LDAH: variants seen among roughly 807,000 people sequenced by gnomAD.
The protein encoded by LDAH is lipid droplet associated hydrolase.
In LDAH, 26 loss-of-function variants were observed where a neutral mutation model predicts 29.6. The observed-to-expected ratio is 0.88, with a 90% CI of 0.64 to 1.22. The LOEUF (loss-of-function observed/expected upper bound fraction) is 1.22, where lower values mean the gene tolerates loss of function less well. LDAH is among the 50% of genes most tolerant of loss of function. LDAH has a pLI of 0.00. For missense variants in LDAH, 344 were observed against 387.3 expected, an observed-to-expected ratio of 0.89 and a Z score of 0.94; for synonymous variants, 117 against 133.0, an observed-to-expected ratio of 0.88 and a Z score of 0.83.
intron 6 of LDAH, among the ~76,000 whole-genome samples, chr2:20,695,348 G>A (rs1288937407): frequency 7.2e-5 from 11 of 152,142 alleles, no homozygotes; most frequent in African/African-American, 1.4e-4. Flanking sequence ...GAACAGTTAG[G>A]CAAATAGTCT....
At chr2:20,801,905 T>A (rs900549081) in intron 1 of LDAH, among the ~76,000 whole-genome samples, 1 of 151,826 alleles carries the variant, frequency 6.6e-6, no homozygotes, top group Non-Finnish European at 1.5e-5. Flanking sequence ...TTTCCTCATA[T>A]TACTCTTCTC....
At chr2:20,740,237 T>C in intron 4 of LDAH, 32 bp from the exon 5 acceptor site, 1 of 1,465,482 alleles carries the variant, frequency 6.8e-7, no homozygotes, top group Non-Finnish European at 9.6e-7. Context: ...TGATGAGAGG[T>C]TTTCTTAAAG....
Position 20,685,781 on chromosome 2 carries a change from G to C in LDAH, c.*1122C>G, listed in dbSNP as rs1225909278. The stretch of plus-strand genomic sequence containing the variant: ...GCCCACTCTAGGCCAGGGAATATGT[G>C]TCTTCTCTGCCATACCTCAATGTGT... On this transcript the variant is annotated 3_prime_UTR_variant, in exon 7 of 7. Transcript: ENST00000237822. 6 of 1,187,786 alleles carry C rather than the reference G, an allele frequency of 5.1e-6. No homozygotes were observed. Among genetic ancestry groups the C allele is most frequent in the Non-Finnish European group, 5.7e-6 (5 of 870,060 alleles). The allele number at this position is 1,187,786 out of a possible 1,614,324, so 73.6% of individuals were successfully genotyped here.
At chr2:20,726,361 G>C (rs1412213555) in intron 5 of LDAH, among the ~76,000 whole-genome samples, 2 of 151,996 alleles carry the variant, frequency 1.3e-5, no homozygotes, top group African/African-American at 2.4e-5. Flanking sequence ...AAGTCAAGCA[G>C]GGCTGTGTGG....
At chr2:20,721,941 T>C (rs1215886196) in intron 5 of LDAH, among the ~76,000 whole-genome samples, 1 of 152,208 alleles carries the variant, frequency 6.6e-6, no homozygotes, top group South Asian at 2.1e-4. Context: ...ATACACATAA[T>C]GGAATATTAT....
chr2:20,764,594 T>C (rs568804971), intron 4 of LDAH, among the ~76,000 whole-genome samples: 7 of 152,244 alleles, frequency 4.6e-5, no homozygotes, highest in African/African-American at 1.7e-4. Flanking sequence ...CAGTTCTCTC[T>C]GAACTCCTCC....
Position 20,698,260 on chromosome 2 carries a change from G to A in LDAH, c.786+3310C>T, listed in dbSNP as rs1249029416. Among the ~76,000 whole-genome samples, 10 of 152,216 alleles carry A rather than the reference G, an allele frequency of 6.6e-5. No homozygotes were observed. ...AGCTCCTTACCTCAACGTGGGGAAA[G>A]GTGAAGGTTGATTGTTTAAATACTG... On this transcript the variant is annotated intron_variant, in intron 6 of 6. Coordinates refer to ENST00000237822, the MANE Select transcript of LDAH (RefSeq NM_021925.4). This position sits in a 1 kb window ranked among gnomAD's most constrained non-coding sequence, Gnocchi z 4.4.
At chr2:20,722,958 A>G (rs1665764503) in intron 5 of LDAH, among the ~76,000 whole-genome samples, 1 of 152,212 alleles carries the variant, frequency 6.6e-6, no homozygotes. Flanking sequence ...CTGAAGCTAA[A>G]CATATGCATA....
At chr2:20,809,837 C>T (rs1465318008) in intron 1 of LDAH, among the ~76,000 whole-genome samples, 4 of 152,048 alleles carry the variant, frequency 2.6e-5, no homozygotes, top group East Asian at 3.9e-4. Flanking sequence ...AGGCCAATAC[C>T]GAAGCTGTCC....
At chr2:20,729,344 T>C (rs1325805300) in intron 5 of LDAH, among the ~76,000 whole-genome samples, 1 of 152,244 alleles carries the variant, frequency 6.6e-6, no homozygotes, top group Non-Finnish European at 1.5e-5. Context: ...TTATATGTTA[T>C]ATGTGACATA....
At chr2:20,728,952 T>C (rs1415585214) in intron 5 of LDAH, among the ~76,000 whole-genome samples, 3 of 152,218 alleles carry the variant, frequency 2.0e-5, no homozygotes, top group Non-Finnish European at 4.4e-5. Context: ...ATTTGTTTGC[T>C]AGTTTGTTAT....
chr2:20,715,024 T>A (rs1416748581), intron 5 of LDAH, among the ~76,000 whole-genome samples: 1 of 152,140 alleles, frequency 6.6e-6, no homozygotes, highest in Non-Finnish European at 1.5e-5. Flanking sequence ...CCTCCCTAAC[T>A]CATTTTATGA....
chr2:20,711,648 C>A lies in LDAH; in HGVS notation c.704-9996G>T, dbSNP rs1041387570. 2.6e-5 allele frequency among the ~76,000 whole-genome samples: 4 copies of A among 152,158 alleles called. No homozygotes were observed. In the South Asian group the frequency reaches 8.3e-4, roughly 31 times the overall value. ...CTTTCCTAGCCAAGAGAAGCCATGA[C>A]AGACTGTACCTGGAAAAATGGGACA... On this transcript the variant is annotated intron_variant, in intron 5 of 6. Coordinates refer to ENST00000237822, the MANE Select transcript of LDAH (RefSeq NM_021925.4).
chr2:20,709,630 T>C (rs1437963164), intron 5 of LDAH, among the ~76,000 whole-genome samples: 1 of 152,182 alleles, frequency 6.6e-6, no homozygotes, highest in Non-Finnish European at 1.5e-5. Flanking sequence ...AGAGTTACCA[T>C]ATTACCCAGC....
rs1662575376 is a variant in LDAH, at chr2:20,686,658, A to C, written c.*245T>G. 3.3e-6 allele frequency: 1 copy of C among 303,248 alleles called. No homozygotes were observed. Among genetic ancestry groups the C allele is most frequent in the African/African-American group, 2.2e-5 (1 of 46,378 alleles). The allele number at this position is 303,248 out of a possible 1,614,324, so 18.8% of individuals were successfully genotyped here. A position where few individuals can be genotyped will look rare whatever the true frequency, so the allele number is the denominator to read the frequency against. ...GCCACTGGGCATCTTGTGCAAACAC[A>C]AGACTCTGTGTAGATCACTGTGTTC... On this transcript the variant is annotated 3_prime_UTR_variant, in exon 7 of 7. Transcript: ENST00000237822.
At chr2:20,780,474 T>C (rs958644366) in intron 3 of LDAH, among the ~76,000 whole-genome samples, 3 of 152,138 alleles carry the variant, frequency 2.0e-5, no homozygotes, top group Admixed American at 6.5e-5. Flanking sequence ...GAAACAGCCA[T>C]GTTTCCATGG....
At chr2:20,750,023 CTTTTTT>C (rs147397062) in intron 4 of LDAH, among the ~76,000 whole-genome samples, 4,409 of 127,102 alleles carry the variant, frequency 0.035, 220 homozygotes, top group African/African-American at 0.12. Flanking sequence ...CCTTACTAAA[CTTTTTT>C]TTTTTTTTTT....
rs1397543230 is a variant in LDAH, at chr2:20,698,816, C to T, written c.786+2754G>A. On this transcript the variant is annotated intron_variant, in intron 6 of 6. Coordinates refer to ENST00000237822, the MANE Select transcript of LDAH (RefSeq NM_021925.4). The surrounding 1 kb of genome is among the most constrained non-coding windows in gnomAD (Gnocchi z 4.4). ...TTAATAAAATAAATTACTTTATGTC[C>T]AATACTGTGTATAAAGTCACTGGAC... 6.6e-6 allele frequency among the ~76,000 whole-genome samples: 1 copy of T among 152,098 alleles called. No homozygotes were observed. The highest frequency in any genetic ancestry group is 1.5e-5 in the Non-Finnish European group (1 of 68,028).
intron 1 of LDAH, among the ~76,000 whole-genome samples, chr2:20,802,856 C>G (rs1048954419): frequency 2.0e-5 from 3 of 152,158 alleles, no homozygotes; most frequent in African/African-American, 7.2e-5. Context: ...AAAAGTGGAT[C>G]TGGGCCTTTA....
Sources: gnomAD v4.1 joint callset for allele counts (sites outside exome capture counted in the v4.1 genomes callset) on GRCh38, gnomAD v4.1.1 for gene constraint, Gnocchi (gnomAD v3.1) non-coding constraint, MANE v1.5 for transcripts, NCBI Gene and HGNC (gene_info 2026-07-23, HGNC 2026-07-21) for gene names.